Variants in GRM7 observed in about 807,000 individuals in gnomAD.
GRM7 encodes metabotropic glutamate receptor 7.
A neutral mutation model predicts 84.5 loss-of-function variants in GRM7; 35 were observed. That is an observed-to-expected ratio of 0.41 (90% CI 0.32 to 0.55). The LOEUF (loss-of-function observed/expected upper bound fraction) is 0.55, where lower values mean the gene tolerates loss of function less well. GRM7 is among the 20% of genes least tolerant of loss of function. The pLI, the probability that GRM7 is intolerant of heterozygous loss-of-function variation, is 0.19. For synonymous variants in GRM7, 487 were observed against 455.1 expected (o/e 1.07, Z -0.89); for missense variants, 1,003 against 1,194.6 (o/e 0.84, Z 2.36).
chr3:7,706,680 G>A lies in GRM7; in HGVS notation c.2698+26385G>A, dbSNP rs114164746. ...CTGTATCTTTGTGTGACAATATGCA[G>A]AGTATTGCTAATCAGGGAAGCTCAC... On this transcript the variant is annotated intron_variant, in intron 9 of 9. Transcript: ENST00000357716. Among the ~76,000 whole-genome samples, 472 of 152,296 alleles carry A rather than the reference G, an allele frequency of 3.1e-3. 10 individuals carry two copies. The highest frequency in any genetic ancestry group is 1.4e-3 in the East Asian group (7 of 5,184).
intron 7 of GRM7, among the ~76,000 whole-genome samples, chr3:7,538,660 A>AAGTT (rs1314178941): frequency 1.3e-5 from 2 of 152,210 alleles, no homozygotes; most frequent in Non-Finnish European, 2.9e-5. Context: ...GAGTGCCTGC[A>AAGTT]AGTTGTCTGA....
chr3:7,141,618 C>CAA (rs1469459998), intron 1 of GRM7, among the ~76,000 whole-genome samples: 1 of 151,508 alleles, frequency 6.6e-6, no homozygotes, highest in African/African-American at 2.4e-5. Flanking sequence ...ACGTGATTAT[C>CAA]CATGATCATG....
intron 2 of GRM7, among the ~76,000 whole-genome samples, chr3:7,238,989 C>T (rs1456826500): frequency 7.7e-5 from 7 of 91,280 alleles, no homozygotes; most frequent in Admixed American, 2.7e-4. Context: ...CCTTTCTTTT[C>T]TTTTTTCCTT....
At chr3:7,086,264 A>G (rs1407254403) in intron 1 of GRM7, among the ~76,000 whole-genome samples, 1 of 152,134 alleles carries the variant, frequency 6.6e-6, no homozygotes, top group African/African-American at 2.4e-5. Context: ...ATAACCCTTT[A>G]TCAGAATAAA....
At chr3:7,034,085 C>A (rs575795508) in intron 1 of GRM7, among the ~76,000 whole-genome samples, 70 of 152,108 alleles carry the variant, frequency 4.6e-4, no homozygotes, top group Non-Finnish European at 9.3e-4. Flanking sequence ...AAGAGACATA[C>A]AAAGTATATA....
At chr3:7,535,735 C>T (rs980367745) in intron 7 of GRM7, among the ~76,000 whole-genome samples, 5 of 152,188 alleles carry the variant, frequency 3.3e-5, no homozygotes, top group Non-Finnish European at 7.3e-5. Flanking sequence ...GTGCAGAAAA[C>T]ATACCTGGGG....
chr3:7,528,526 G>T (rs894164387), intron 7 of GRM7, among the ~76,000 whole-genome samples: 2 of 151,840 alleles, frequency 1.3e-5, no homozygotes, highest in African/African-American at 4.8e-5. Context: ...ATTTAATTCT[G>T]CTCTGCTTTT....
chr3:6,929,905 G>A (rs929466109), intron 1 of GRM7, among the ~76,000 whole-genome samples: 5 of 152,222 alleles, frequency 3.3e-5, no homozygotes, highest in South Asian at 2.1e-4. Context: ...TGGGAACAAC[G>A]CTTCTCCTCC....
chr3:7,170,057 C>A (rs1477255305), intron 2 of GRM7, among the ~76,000 whole-genome samples: 1 of 152,152 alleles, frequency 6.6e-6, no homozygotes, highest in African/African-American at 2.4e-5. Flanking sequence ...ATTTGCTTTT[C>A]TAACTCATTC....
chr3:7,427,308 A>G (rs1206988610), intron 5 of GRM7, among the ~76,000 whole-genome samples: 1 of 152,200 alleles, frequency 6.6e-6, no homozygotes, highest in Non-Finnish European at 1.5e-5. Flanking sequence ...TCTTCTCTGC[A>G]TTGATCATTG....
chr3:7,409,070 G>C (rs577464685), intron 4 of GRM7, among the ~76,000 whole-genome samples: 3 of 152,084 alleles, frequency 2.0e-5, no homozygotes, highest in Non-Finnish European at 4.4e-5. Flanking sequence ...ATGATAAATT[G>C]ATCTGTTTAT....
intron 5 of GRM7, among the ~76,000 whole-genome samples, chr3:7,423,849 C>A (rs1051882115): frequency 6.6e-6 from 1 of 152,044 alleles, no homozygotes; most frequent in Non-Finnish European, 1.5e-5. Flanking sequence ...GGTATGTGGG[C>A]GAACACATAT....
chr3:7,645,793 G>T (rs1339987663), intron 8 of GRM7, among the ~76,000 whole-genome samples: 1 of 152,048 alleles, frequency 6.6e-6, no homozygotes, highest in Non-Finnish European at 1.5e-5. Context: ...TTTGCATTTA[G>T]CCCCCACAGG....
At chr3:7,143,620 A>G (rs1040443612) in intron 1 of GRM7, among the ~76,000 whole-genome samples, 8 of 152,158 alleles carry the variant, frequency 5.3e-5, no homozygotes, top group Admixed American at 1.3e-4. Flanking sequence ...TCATTACTAA[A>G]ATATGGGGCA....
Position 7,303,180 on chromosome 3 carries a change from T to C in GRM7, c.879-3318T>C, listed in dbSNP as rs144750394. ...TGGTCTTGATCTCCTGACCTTGTGA[T>C]CCACCTGCCTTGGCCTCCCCAAGTA... On this transcript the variant is annotated intron_variant, in intron 3 of 9. Transcript: ENST00000357716. Among the ~76,000 whole-genome samples the C allele has an allele frequency of 4.6e-3, 705 of 152,258 alleles. 5 individuals carry two copies. The highest frequency in any genetic ancestry group is 0.016 in the African/African-American group (681 of 41,562).
intron 1 of GRM7, among the ~76,000 whole-genome samples, chr3:6,948,230 G>A (rs1444769000): frequency 6.6e-6 from 1 of 151,970 alleles, no homozygotes; most frequent in Non-Finnish European, 1.5e-5. Flanking sequence ...CTTTGAATGT[G>A]TCCCAGAGAT....
chr3:7,679,895 T>C (rs1700293919), intron 8 of GRM7, among the ~76,000 whole-genome samples, 154 bp from the exon 9 acceptor site: 1 of 152,198 alleles, frequency 6.6e-6, no homozygotes, highest in South Asian at 2.1e-4. Flanking sequence ...CTCCAATAAC[T>C]GTGCAGAGTT....
chr3:7,249,805 C>G (rs1697912176), intron 2 of GRM7, among the ~76,000 whole-genome samples: 1 of 152,130 alleles, frequency 6.6e-6, no homozygotes, highest in South Asian at 2.1e-4. Flanking sequence ...AATAAACTGG[C>G]TTATCTGTCT....
intron 2 of GRM7, among the ~76,000 whole-genome samples, chr3:7,233,786 A>G (rs1332966817): frequency 1.3e-5 from 2 of 152,142 alleles, no homozygotes; most frequent in African/African-American, 4.8e-5. Context: ...AAATAAATAA[A>G]CCCAATTTTT....
Sources: gnomAD v4.1 joint callset for allele counts (sites outside exome capture counted in the v4.1 genomes callset) on GRCh38, gnomAD v4.1.1 for gene constraint, MANE v1.5 for transcripts, NCBI Gene and HGNC (gene_info 2026-07-23, HGNC 2026-07-21) for gene names.